The following TNC variants were observed in gnomAD, a reference collection of about 807,000 sequenced individuals.
TNC encodes tenascin.
A neutral mutation model predicts 202.4 loss-of-function variants in TNC; 109 were observed. The observed-to-expected ratio is 0.54, with a 90% confidence interval of 0.46 to 0.63. The LOEUF (loss-of-function observed/expected upper bound fraction) is 0.63, where lower values mean the gene tolerates loss of function less well. Ranked by LOEUF, TNC falls within the 30% of genes least tolerant of loss-of-function variation. The pLI is 0.00. For synonymous variants in TNC, 1,007 were observed against 1,089.7 expected, an observed-to-expected ratio of 0.92 and a Z score of 1.50; for missense variants, 2,756 against 2,833.3, an observed-to-expected ratio of 0.97 and a Z score of 0.62.
chr9:115,019,680 C>A lies in TNC; in HGVS notation c.*1477G>T, dbSNP rs1362239358. The A allele has an allele frequency of 1.3e-5, 2 of 152,224 alleles. No homozygotes were observed. The allele number at this position is 152,224 out of a possible 1,614,324, so 9.4% of individuals were successfully genotyped here. On this transcript the variant is annotated 3_prime_UTR_variant, in exon 28 of 28. Transcript: ENST00000350763. Reference sequence around the variant, plus strand: ...ATAAAGTGATAATGATGATAGCTAACATGTACTAGCACTTAATATACACCG... The same window carrying A: ...ATAAAGTGATAATGATGATAGCTAAAATGTACTAGCACTTAATATACACCG...
At chr9:115,077,161 G>A (rs1053210300) in intron 7 of TNC, among the ~76,000 whole-genome samples, 4 of 152,236 alleles carry the variant, frequency 2.6e-5, no homozygotes, top group East Asian at 1.9e-4. Context: ...CTGGGTTCAT[G>A]CCATTCTCCT....
rs1829295255 is a variant in TNC, at chr9:115,024,128, T to G, written c.6340A>C (p.Met2114Leu). Residue 2114 changes from methionine (M) to leucine (L), a missense_variant, in exon 27 of 28, where the codon ATG becomes CTG. By Grantham distance (15) the Met-to-Leu change is conservative. Transcript: ENST00000350763. ...EGYSGTAGDS[M>L]AYHNGRSFST... ...AAGGATCTGCCATTGTGGTAGGCCATGGAGTCACCTGGGAGAGACAGAAAA... is the reference window on the plus strand; with the variant it reads ...AAGGATCTGCCATTGTGGTAGGCCAGGGAGTCACCTGGGAGAGACAGAAAA... 1.2e-6 allele frequency: 2 copies of G among 1,613,410 alleles called. No homozygotes were observed. The highest frequency in any genetic ancestry group is 2.7e-5 in the African/African-American group (2 of 74,914).
chr9:115,028,318 C>T (rs902378722), intron 25 of TNC, among the ~76,000 whole-genome samples: 2 of 152,092 alleles, frequency 1.3e-5, no homozygotes, highest in Admixed American at 6.6e-5. Flanking sequence ...TTCGTCTTAC[C>T]AACCCACTAG....
At chr9:115,083,387 A>G (rs1834455904) in intron 4 of TNC, among the ~76,000 whole-genome samples, 1 of 152,178 alleles carries the variant, frequency 6.6e-6, no homozygotes, top group Non-Finnish European at 1.5e-5. Flanking sequence ...TTCCACTTAA[A>G]GAAAAATAGT....
At chr9:115,084,162 TG>T in intron 4 of TNC, 46 bp downstream of exon 4, 3 of 1,591,482 alleles carry the variant, frequency 1.9e-6, no homozygotes, top group Non-Finnish European at 2.6e-6. Flanking sequence ...ATACACTGGG[TG>T]GGCTGACATC....
intron 7 of TNC, among the ~76,000 whole-genome samples, chr9:115,076,783 A>G (rs2133161061): frequency 6.6e-6 from 1 of 152,344 alleles, no homozygotes; most frequent in South Asian, 2.1e-4. Flanking sequence ...TGAGTGCGAC[A>G]CTTTAGTCAT....
intron 1 of TNC, among the ~76,000 whole-genome samples, chr9:115,102,413 A>G (rs1836303367): frequency 6.6e-6 from 1 of 152,210 alleles, no homozygotes; most frequent in Admixed American, 6.5e-5. Context: ...GGATGCTTCC[A>G]TTTCTCAGTG....
At chr9:115,093,904 A>G (rs1410063380) in intron 1 of TNC, among the ~76,000 whole-genome samples, 3 of 151,970 alleles carry the variant, frequency 2.0e-5, no homozygotes, top group East Asian at 1.9e-4. Flanking sequence ...TGTATTTCCT[A>G]TTGGCTCATG....
chr9:115,036,296 G>A (rs1830327775), intron 20 of TNC, 55 bp from the exon 21 acceptor site: 5 of 1,597,068 alleles, frequency 3.1e-6, no homozygotes, highest in South Asian at 2.2e-5. Context: ...TGAGCCATGA[G>A]TGGGCTTGGC....
Position 115,085,933 on chromosome 9 carries a change from T to G in TNC, c.1798A>C (p.Asn600His), listed in dbSNP as rs756008710. 2 of 1,613,820 alleles carry G rather than the reference T, an allele frequency of 1.2e-6. No homozygotes were observed. Among genetic ancestry groups the G allele is most frequent in the Non-Finnish European group, 1.7e-6 (2 of 1,179,918 alleles). ...CGGCCCGAGACGCATTGTCCTAAGT[T>G]GTTGCAGTCACTGGGGCAGGAGTGC... ...GQHSCPSDCNNLGQCVSGRCI... is the reference protein window; with the variant it reads ...GQHSCPSDCNHLGQCVSGRCI... The change falls in exon 3 of 28, where the codon AAC becomes CAC. Residue 600 changes from asparagine (N) to histidine (H), a missense_variant. Physicochemically the swap from Asn to His is moderately conservative, Grantham distance 68. Transcript: ENST00000350763.
At chr9:115,061,106 A>G (rs1190814806) in intron 13 of TNC, among the ~76,000 whole-genome samples, 4 of 152,156 alleles carry the variant, frequency 2.6e-5, no homozygotes, top group African/African-American at 9.7e-5. Context: ...ACTGTTTTGA[A>G]GGCTGAAGTG....
In TNC at chr9:115,047,535, AG is replaced by A. The variant is rs571890447; in HGVS notation, c.4852+724del. On this transcript the variant is annotated intron_variant, in intron 16 of 27. Coordinates refer to ENST00000350763, the MANE Select transcript of TNC (RefSeq NM_002160.4). ...GTACTTCTTGGAGATGATGCACGTTAGGGTGTTCTGAAAAGCCGTGCAGTTA... is the reference window on the plus strand; with the variant it reads ...GTACTTCTTGGAGATGATGCACGTTAGGTGTTCTGAAAAGCCGTGCAGTTA... Among the ~76,000 whole-genome samples the A allele has an allele frequency of 2.6e-3, 401 of 152,294 alleles. 1 individual carries two copies. Among genetic ancestry groups the A allele is most frequent in the African/African-American group, 9.2e-3 (383 of 41,568 alleles).
At chr9:115,048,753 A>C (rs1831408490) in intron 15 of TNC, among the ~76,000 whole-genome samples, 2 of 152,226 alleles carry the variant, frequency 1.3e-5, no homozygotes, top group Admixed American at 1.3e-4. Context: ...CTAATTTCAC[A>C]CGTGAGCAAA....
Position 115,076,580 on chromosome 9 carries a change from T to G in TNC, c.2675-5A>C. 4 of 1,613,928 alleles carry G rather than the reference T, an allele frequency of 2.5e-6. No individual in the cohort carries two copies. The highest frequency in any genetic ancestry group is 3.4e-6 in the Non-Finnish European group (4 of 1,179,920). On this transcript the variant is annotated splice_polypyrimidine_tract_variant and splice_region_variant and intron_variant, in intron 7 of 27. Coordinates refer to ENST00000350763, the MANE Select transcript of TNC (RefSeq NM_002160.4). ...GATTCCTGGGAGCATCGAGGCCTGT[T>G]TGAGAGAAGGAACATTTGTATTGAA...
Position 115,057,403 on chromosome 9 carries a change from G to A in TNC, c.4329C>T (p.Asn1443=), listed in dbSNP as rs531667446. 1 of 1,610,588 alleles carries A rather than the reference G, an allele frequency of 6.2e-7. No homozygotes were observed. Among genetic ancestry groups the A allele is most frequent in the Non-Finnish European group, 8.5e-7 (1 of 1,179,256 alleles). The change falls in exon 15 of 28, where the codon AAC becomes AAT. Residue 1443 remains asparagine, a synonymous_variant. Transcript: ENST00000350763. ...ASTAKEPEIG[N]LNVSDITPES... is the part of the protein sequence containing the mutation. ...CGGGAGTTATGTCAGAAACATTTAA[G>A]TTTCCAATTTCAGGTTCTTTGGCTG...
intron 27 of TNC, 151 bp from the exon 28 acceptor site, chr9:115,021,418 C>T (rs937718938): frequency 5.0e-6 from 3 of 601,846 alleles, no homozygotes; most frequent in Non-Finnish European, 8.7e-6. Flanking sequence ...TCACAGCTGC[C>T]TCTTGCCTAT....
intron 1 of TNC, among the ~76,000 whole-genome samples, chr9:115,101,506 C>T (rs148882768): frequency 2.6e-4 from 40 of 152,316 alleles, no homozygotes; most frequent in African/African-American, 8.7e-4. Flanking sequence ...AGCCACTGCA[C>T]CTGGCCGCAA....
At chr9:115,045,204 T>A (rs1831081857) in intron 17 of TNC, among the ~76,000 whole-genome samples, 1 of 152,180 alleles carries the variant, frequency 6.6e-6, no homozygotes, top group South Asian at 2.1e-4. Context: ...TGTCCCCTGG[T>A]TCCCTTTGAA....
At chr9:115,097,204 A>T (rs2133924521) in intron 1 of TNC, among the ~76,000 whole-genome samples, 1 of 152,266 alleles carries the variant, frequency 6.6e-6, no homozygotes, top group African/African-American at 2.4e-5. Flanking sequence ...CCCTATGGCC[A>T]TTCCCTTTCT....
Sources: gnomAD v4.1 joint callset for allele counts (sites outside exome capture counted in the v4.1 genomes callset) on GRCh38, gnomAD v4.1.1 for gene constraint, MANE v1.5 for transcripts, NCBI Gene and HGNC (gene_info 2026-07-23, HGNC 2026-07-21) for gene names.